TBCK: variants seen among roughly 807,000 people sequenced by gnomAD.
The protein encoded by TBCK is TBC domain-containing protein kinase-like protein.
A neutral mutation model predicts 113.4 loss-of-function variants in TBCK; 99 were observed. The ratio of observed to expected loss-of-function variants is 0.87; its 90% confidence interval spans 0.74 to 1.03. The LOEUF is 1.03. Among genes scored for constraint, TBCK ranks in the 50% least tolerant of loss-of-function variants. TBCK has a pLI of 0.00. For missense variants in TBCK, 1,045 were observed against 1,061.3 expected, an observed-to-expected ratio of 0.98 and a Z score of 0.21; for synonymous variants, 369 against 370.8, an observed-to-expected ratio of 1.00 and a Z score of 0.05.
intron 12 of TBCK, among the ~76,000 whole-genome samples, chr4:106,239,773 T>C (rs72891685): frequency 0.027 from 4,092 of 152,028 alleles, 178 homozygotes; most frequent in African/African-American, 0.094. Flanking sequence ...CCTTACAATA[T>C]GGTTTTAAAG....
At chr4:106,113,206 T>G (rs111940255) in intron 24 of TBCK, among the ~76,000 whole-genome samples, 4,186 of 152,264 alleles carry the variant, frequency 0.027, 187 homozygotes, top group African/African-American at 0.096. Context: ...TCAACAATTT[T>G]GTCACAGTGG....
rs1349825163 is a variant in TBCK at position 106,042,396 on chromosome 4, G to T, written c.*4174C>A. 1.3e-5 allele frequency: 2 copies of T among 151,248 alleles called. No individual in the cohort carries two copies. Among genetic ancestry groups the T allele is most frequent in the Non-Finnish European group, 2.9e-5 (2 of 67,948 alleles). 9.4% of individuals were successfully genotyped at this position (151,248 alleles called of 1,614,324 possible). On this transcript the variant is annotated 3_prime_UTR_variant, in exon 26 of 26. Coordinates refer to ENST00000394708, the MANE Select transcript of TBCK (RefSeq NM_001163435.3). ...CTTTTTTGAGACGGAGTCTCACTCT[G>T]TCTCCCAGGCTGGAGTGCAGTGGAG...
intron 15 of TBCK, among the ~76,000 whole-genome samples, chr4:106,234,026 A>T (rs1759174412): frequency 6.6e-6 from 1 of 152,124 alleles, no homozygotes. Context: ...GGGCCTAAAG[A>T]GGTCATTTAC....
chr4:106,208,332 A>G (rs1322442945), intron 20 of TBCK, among the ~76,000 whole-genome samples: 1 of 150,882 alleles, frequency 6.6e-6, no homozygotes, highest in Non-Finnish European at 1.5e-5. Context: ...ATTGATCCCT[A>G]CCATTCACCT....
chr4:106,316,398 C>A, upstream of TBCK: 1 of 720,364 alleles, frequency 1.4e-6, no homozygotes, highest in Non-Finnish European at 2.4e-6. Flanking sequence ...GAATGGAAGA[C>A]GAGGAGCGTG....
At chr4:106,246,553 A>T (rs112776894) in intron 10 of TBCK, among the ~76,000 whole-genome samples, 1 of 152,114 alleles carries the variant, frequency 6.6e-6, no homozygotes, top group Non-Finnish European at 1.5e-5. Flanking sequence ...AATAGAAAGG[A>T]TAAACTGTTA....
At chr4:106,268,707 T>C (rs1208355895) in intron 3 of TBCK, among the ~76,000 whole-genome samples, 1 of 152,124 alleles carries the variant, frequency 6.6e-6, no homozygotes, top group African/African-American at 2.4e-5. Flanking sequence ...ATCTTGTTAA[T>C]ATCTGTCTAA....
Position 106,236,778 on chromosome 4 carries a change from A to G in TBCK, c.1201T>C (p.Tyr401His), listed in dbSNP as rs199583403. 504 of 1,518,424 alleles carry G rather than the reference A, an allele frequency of 3.3e-4. 2 individuals are homozygous for G. The highest frequency in any genetic ancestry group is 4.2e-4 in the Non-Finnish European group (471 of 1,132,398). 94.1% of individuals were successfully genotyped at this position (1,518,424 alleles called of 1,614,324 possible). A position where few individuals can be genotyped will look rare whatever the true frequency, so the allele number is the denominator to read the frequency against. ...ACTCACTCATCTTCAAGTAATGGGTAAAATGCTTCTCCACCAACATCTTTC... is the reference window on the plus strand; with the variant it reads ...ACTCACTCATCTTCAAGTAATGGGTGAAATGCTTCTCCACCAACATCTTTC... ...RLKDVGGEAF[Y>H]PLLEDDQSNL... Residue 401 changes from tyrosine to histidine, a missense_variant, in exon 13 of 26, where the codon TAC (tyrosine) becomes CAC (histidine). Coordinates refer to ENST00000394708, the MANE Select transcript of TBCK (RefSeq NM_001163435.3).
intron 23 of TBCK, among the ~76,000 whole-genome samples, chr4:106,138,884 T>C (rs1406901610): frequency 1.4e-5 from 2 of 140,802 alleles, no homozygotes; most frequent in African/African-American, 5.0e-5. Context: ...ACAGCACCGT[T>C]ATGGTCAAGT....
intron 3 of TBCK, among the ~76,000 whole-genome samples, chr4:106,273,613 T>A (rs1199538768): frequency 1.3e-5 from 2 of 152,186 alleles, no homozygotes; most frequent in African/African-American, 4.8e-5. Flanking sequence ...AAATTCAATG[T>A]CGAGCGTTCT....
At chr4:106,152,128 A>G (rs1748563883) in intron 23 of TBCK, among the ~76,000 whole-genome samples, 1 of 151,922 alleles carries the variant, frequency 6.6e-6, no homozygotes. Flanking sequence ...GATGAATAAC[A>G]GTAGTTAAAG....
At chr4:106,217,236 C>T (rs1424461403) in intron 19 of TBCK, among the ~76,000 whole-genome samples, 133 of 152,204 alleles carry the variant, frequency 8.7e-4, no homozygotes, top group Non-Finnish European at 1.1e-3. Context: ...TAAGAGCTAT[C>T]TATGAGAAAC....
intron 25 of TBCK, among the ~76,000 whole-genome samples, chr4:106,063,345 G>T (rs954533028): frequency 1.3e-5 from 2 of 151,844 alleles, no homozygotes; most frequent in Non-Finnish European, 2.9e-5. Context: ...GTATAAAGAG[G>T]TCTAATAAAT....
At chr4:106,115,757 T>C (rs1268765445) in intron 24 of TBCK, among the ~76,000 whole-genome samples, 1 of 152,228 alleles carries the variant, frequency 6.6e-6, no homozygotes, top group Non-Finnish European at 1.5e-5. Context: ...ATTTTGTAGT[T>C]AGTGAAAATA....
chr4:106,144,730 CAT>C (rs140308559), intron 23 of TBCK, among the ~76,000 whole-genome samples: 1,665 of 152,222 alleles, frequency 0.011, 29 homozygotes, highest in African/African-American at 0.038. Context: ...CTAACTTGTT[CAT>C]ATTTTTTTGG....
chr4:106,230,494 A>T (rs1758742481), intron 18 of TBCK, 48 bp from the exon 19 acceptor site: 6 of 1,171,164 alleles, frequency 5.1e-6, no homozygotes, highest in Non-Finnish European at 6.2e-6. Context: ...TTAACAGGGT[A>T]GATGACCATC....
rs187883037 is a variant in TBCK at position 106,234,480 on chromosome 4, A to G, written c.1449+789T>C. Among the ~76,000 whole-genome samples, 51 of 152,180 alleles carry G rather than the reference A, an allele frequency of 3.4e-4. No homozygotes were observed. The East Asian group carries it at 9.1e-3, about 27-fold the overall frequency. On this transcript the variant is annotated intron_variant, in intron 15 of 25. Transcript: ENST00000394708. ...TTTTTTAGAGTCAGGGTCTAGTTCT[A>G]TCACCCAGGCTAGAGTGCAGTGGCA...
intron 25 of TBCK, among the ~76,000 whole-genome samples, chr4:106,070,185 G>A (rs1437635160): frequency 6.6e-6 from 1 of 152,160 alleles, no homozygotes; most frequent in African/African-American, 2.4e-5. Flanking sequence ...ATGTTGAATA[G>A]GAGTGGTGAG....
At chr4:106,152,782 T>C (rs974284837) in intron 23 of TBCK, among the ~76,000 whole-genome samples, 3 of 152,232 alleles carry the variant, frequency 2.0e-5, no homozygotes, top group Middle Eastern at 3.4e-3. Context: ...ATTCAGATTT[T>C]GGACTTCATC....
Sources: allele counts gnomAD v4.1 joint callset (sites outside exome capture counted in the v4.1 genomes callset), GRCh38; gene constraint gnomAD v4.1.1; transcripts MANE v1.5; gene names NCBI Gene and HGNC (gene_info 2026-07-23, HGNC 2026-07-21).